The following BCLAF3 variants were observed in gnomAD, a reference collection of about 807,000 sequenced individuals.
BCLAF3 encodes BCLAF1 and THRAP3 family member 3.
In BCLAF3, 24 loss-of-function variants were observed where a neutral mutation model predicts 51.2. That is an observed-to-expected ratio of 0.47 (90% CI 0.34 to 0.66). BCLAF3 has a LOEUF of 0.66. BCLAF3 is among the 30% of genes least tolerant of loss of function. The pLI, the probability that BCLAF3 is intolerant of heterozygous loss-of-function variation, is 0.01. For missense variants in BCLAF3, 465 were observed against 525.1 expected (o/e 0.89, Z 1.12); for synonymous variants, 152 against 176.6 (o/e 0.86, Z 1.10).
At chrX:19,937,306 A>G (rs779980252) in intron 9 of BCLAF3, 112 bp downstream of exon 9, 4 of 513,663 alleles carry the variant, frequency 7.8e-6, no homozygotes, top group Non-Finnish European at 1.4e-5. Context: ...ATCTTATAAC[A>G]TATACTTAAT....
intron 11 of BCLAF3, among the ~76,000 whole-genome samples, chrX:19,924,724 A>T (rs1461261635): frequency 9.0e-6 from 1 of 111,402 alleles, no homozygotes; most frequent in African/African-American, 3.3e-5. Context: ...CTGCCTTGGA[A>T]TTCCTTGCCT....
chrX:19,914,121 C>G lies in BCLAF3; in HGVS notation c.*3184G>C, dbSNP rs1047330635. On this transcript the variant is annotated 3_prime_UTR_variant, in exon 12 of 12. Transcript: ENST00000379682. ...TGGCTTTCCCAGGCTGCTCTGAGAC[C>G]TGGGAAATGCCTAGTCCTGGTGAAT... 5 of 110,818 alleles carry G rather than the reference C, an allele frequency of 4.5e-5. No individual in the cohort carries two copies. Among genetic ancestry groups the G allele is most frequent in the African/African-American group, 1.6e-4 (5 of 30,405 alleles). 9.1% of individuals were successfully genotyped at this position (110,818 alleles called of 1,213,427 possible). A position where few individuals can be genotyped will look rare whatever the true frequency, so the allele number is the denominator to read the frequency against.
At chrX:19,939,198 C>T (rs768631242) in intron 8 of BCLAF3, among the ~76,000 whole-genome samples, 1 of 111,924 alleles carries the variant, frequency 8.9e-6, no homozygotes, top group Non-Finnish European at 1.9e-5. Flanking sequence ...AAATAAATGA[C>T]AAGAAATGTA....
intron 1 of BCLAF3, among the ~76,000 whole-genome samples, chrX:19,974,775 G>A (rs1018776132): frequency 9.1e-6 from 1 of 110,360 alleles, no homozygotes; most frequent in Non-Finnish European, 1.9e-5. Context: ...CCAGCTACTC[G>A]GGAGGTTGAG....
At chrX:19,938,723 T>A (rs1028844730) in intron 8 of BCLAF3, among the ~76,000 whole-genome samples, 2 of 112,770 alleles carry the variant, frequency 1.8e-5, no homozygotes, top group Non-Finnish European at 3.8e-5. Context: ...ATGTGGTTCC[T>A]GGCACAAAGC....
intron 10 of BCLAF3, among the ~76,000 whole-genome samples, chrX:19,934,599 T>A (rs1603304630): frequency 8.9e-6 from 1 of 112,430 alleles, no homozygotes; most frequent in African/African-American, 3.2e-5. Context: ...TTTCGACATC[T>A]ATAAATTCTG....
intron 7 of BCLAF3, among the ~76,000 whole-genome samples, chrX:19,952,633 A>C (rs1461477864): frequency 8.9e-6 from 1 of 112,172 alleles, no homozygotes; most frequent in East Asian, 2.8e-4. Flanking sequence ...ACAATTTAAA[A>C]ATATATTCCA....
At chrX:19,954,292 C>T (rs2071588953) in intron 5 of BCLAF3, 1 of 512,575 alleles carries the variant, frequency 2.0e-6, no homozygotes, top group Non-Finnish European at 2.4e-6. Context: ...AACATCAAAA[C>T]AATTTCAAAC....
intron 1 of BCLAF3, among the ~76,000 whole-genome samples, chrX:19,980,012 T>C (rs1022252646): frequency 1.8e-5 from 2 of 111,637 alleles, no homozygotes; most frequent in Admixed American, 9.6e-5. Context: ...CTAATATTCA[T>C]ATAATTGCAG....
rs1054749633 is a variant in BCLAF3, at chrX:19,920,500, T to C, written c.2107-3166A>G. Among the ~76,000 whole-genome samples, 4 of 111,020 alleles carry C rather than the reference T, an allele frequency of 3.6e-5. No individual in the cohort carries two copies. In the Admixed American group the frequency reaches 3.9e-4, roughly 11 times the overall value. ...CAATAAGCATTTTCTGAAGACTGAC[T>C]ATATGAAAGGTAATAAGGTAAGATA... On this transcript the variant is annotated intron_variant, in intron 11 of 11. Transcript: ENST00000379682.
chrX:19,966,737 G>A, intron 2 of BCLAF3, 88 bp from the exon 3 acceptor site: 2 of 765,750 alleles, frequency 2.6e-6, no homozygotes, highest in Non-Finnish European at 3.7e-6. Flanking sequence ...GCTTTTCCTA[G>A]GATCCCTCGG....
intron 1 of BCLAF3, among the ~76,000 whole-genome samples, chrX:19,990,266 G>C (rs1361905608): frequency 1.8e-5 from 2 of 112,487 alleles, no homozygotes; most frequent in Non-Finnish European, 3.8e-5. Flanking sequence ...CAACAGGACA[G>C]TCCTGACAGC....
intron 1 of BCLAF3, among the ~76,000 whole-genome samples, chrX:19,981,361 C>CA (rs367697948): frequency 8.1e-5 from 9 of 110,568 alleles, no homozygotes; most frequent in Non-Finnish European, 1.3e-4. Flanking sequence ...ATTGCTGCTA[C>CA]AAAAAAAATC....
At chrX:19,990,631 G>C (rs1282358143) in intron 1 of BCLAF3, among the ~76,000 whole-genome samples, 3 of 113,248 alleles carry the variant, frequency 2.6e-5, no homozygotes, top group Admixed American at 9.2e-5. Context: ...TCAGGGTCGC[G>C]GCAGCAGGTG....
chrX:19,921,617 C>T (rs943950275), intron 11 of BCLAF3, among the ~76,000 whole-genome samples: 8 of 110,295 alleles, frequency 7.3e-5, no homozygotes, highest in East Asian at 2.8e-4. Flanking sequence ...ATAGGAGGAT[C>T]GCTTGAACTC....
intron 4 of BCLAF3, among the ~76,000 whole-genome samples, chrX:19,958,003 C>T (rs2071725224): frequency 9.0e-6 from 1 of 111,178 alleles, no homozygotes; most frequent in South Asian, 3.8e-4. Flanking sequence ...GGAAATACCC[C>T]CAAAGCAAGT....
chrX:19,956,068 T>C (rs1038436601), intron 4 of BCLAF3, among the ~76,000 whole-genome samples: 1 of 112,284 alleles, frequency 8.9e-6, no homozygotes, highest in African/African-American at 3.2e-5. Context: ...AATAAAATTC[T>C]GTTAAGAGAT....
rs549214845 is a variant in BCLAF3 at position 19,971,083 on chromosome X, C to A, written c.-34-785G>T. ...TGTTAGATTCTAAGAATTATAATTT[C>A]TTCTTTTAAAATTTCTTTTCTTTTG... is the stretch of plus-strand genomic sequence containing the variant. On this transcript the variant is annotated intron_variant, in intron 1 of 11. Coordinates refer to ENST00000379682, the MANE Select transcript of BCLAF3 (RefSeq NM_001367774.2). Among the ~76,000 whole-genome samples, 5 of 111,898 alleles carry A rather than the reference C, an allele frequency of 4.5e-5. No individual in the cohort carries two copies. The South Asian group carries it at 1.9e-3, about 41-fold the overall frequency.
chrX:19,961,026 G>T (rs1327026487), intron 4 of BCLAF3, among the ~76,000 whole-genome samples: 4 of 111,542 alleles, frequency 3.6e-5, no homozygotes, highest in African/African-American at 1.3e-4. Flanking sequence ...AGCTTATTCT[G>T]CTCCAGATAT....
Sources: gnomAD v4.1 joint callset for allele counts (sites outside exome capture counted in the v4.1 genomes callset) on GRCh38, gnomAD v4.1.1 for gene constraint, MANE v1.5 for transcripts, NCBI Gene and HGNC (gene_info 2026-07-23, HGNC 2026-07-21) for gene names.